RPS6KC1: variants seen among roughly 807,000 people sequenced by gnomAD.
The protein encoded by RPS6KC1 is ribosomal protein S6 kinase C1.
A neutral mutation model predicts 103.8 loss-of-function variants in RPS6KC1; 54 were observed. The ratio of observed to expected loss-of-function variants is 0.52; its 90% CI spans 0.42 to 0.65. The LOEUF (loss-of-function observed/expected upper bound fraction) is 0.65. Among genes scored for constraint, RPS6KC1 ranks in the 30% least tolerant of loss-of-function variants. The pLI is 0.00. For synonymous variants in RPS6KC1, 439 were observed against 438.7 expected (o/e 1.00, Z -0.01); for missense variants, 1,151 against 1,253.8 (o/e 0.92, Z 1.24).
chr1:213,428,352 CTTCCCTTCCT>C, the RPS6KC1 span, among the ~76,000 whole-genome samples: 1 of 151,696 alleles, frequency 6.6e-6, no homozygotes, highest in Non-Finnish European at 1.5e-5. Context: ...TATGAGAGAC[CTTCCCTTCCT>C]TTCCCTTCCT....
intron 6 of RPS6KC1, 31 bp from the exon 7 acceptor site, chr1:213,167,827 A>G (rs755024267): frequency 6.1e-6 from 9 of 1,468,786 alleles, no homozygotes; most frequent in African/African-American, 1.4e-5. Flanking sequence ...AGGAAAATTT[A>G]TTTTTTACAT....
At chr1:213,662,053 A>G in the RPS6KC1 span, among the ~76,000 whole-genome samples, 1 of 152,190 alleles carries the variant, frequency 6.6e-6, no homozygotes, top group African/African-American at 2.4e-5. Flanking sequence ...GGTATAAATA[A>G]GGTATGTTGG....
the RPS6KC1 span, among the ~76,000 whole-genome samples, chr1:213,770,003 T>C: frequency 3.3e-5 from 5 of 152,136 alleles, no homozygotes; most frequent in African/African-American, 9.7e-5. Context: ...GGTCCAACAC[T>C]GGGGAGCCAG....
the RPS6KC1 span, among the ~76,000 whole-genome samples, chr1:213,720,115 T>G: frequency 6.6e-6 from 1 of 152,250 alleles, no homozygotes; most frequent in South Asian, 2.1e-4. Flanking sequence ...TCAGGGTGGA[T>G]CAAAGTCGTG....
chr1:213,330,310 G>A, the RPS6KC1 span, among the ~76,000 whole-genome samples: 3 of 152,218 alleles, frequency 2.0e-5, no homozygotes, highest in Non-Finnish European at 4.4e-5. Flanking sequence ...TCTCAGGTTA[G>A]TATTTCTTTA....
chr1:213,133,746 C>A (rs2085930498), intron 6 of RPS6KC1, among the ~76,000 whole-genome samples: 1 of 152,074 alleles, frequency 6.6e-6, no homozygotes. Context: ...AAAACTAAGA[C>A]TTACATAAAT....
the RPS6KC1 span, among the ~76,000 whole-genome samples, chr1:213,638,569 T>TG: frequency 6.6e-6 from 1 of 152,062 alleles, no homozygotes; most frequent in African/African-American, 2.4e-5. Context: ...GGGTTTTTTT[T>TG]GCATATAAGT....
chr1:213,286,739 G>A, the RPS6KC1 span, among the ~76,000 whole-genome samples: 2 of 152,214 alleles, frequency 1.3e-5, no homozygotes, highest in Non-Finnish European at 2.9e-5. Context: ...GATGGATACA[G>A]GCATTAAGCA....
chr1:213,714,903 G>A, the RPS6KC1 span, among the ~76,000 whole-genome samples: 1 of 152,186 alleles, frequency 6.6e-6, no homozygotes, highest in African/African-American at 2.4e-5. Flanking sequence ...GCTCTGTATG[G>A]TGGGAGGGAC....
At chr1:213,090,047 C>A (rs1249141601) in intron 3 of RPS6KC1, among the ~76,000 whole-genome samples, 1 of 152,112 alleles carries the variant, frequency 6.6e-6, no homozygotes, top group Non-Finnish European at 1.5e-5. Context: ...ATGCAAACAG[C>A]CCCTCTAAGA....
At chr1:213,838,414 G>A in the RPS6KC1 span, among the ~76,000 whole-genome samples, 1 of 152,096 alleles carries the variant, frequency 6.6e-6, no homozygotes, top group Admixed American at 6.6e-5. Context: ...TGGCTGGCAT[G>A]GCCCTTCCAT....
At chr1:213,677,384 A>G in the RPS6KC1 span, among the ~76,000 whole-genome samples, 15 of 152,338 alleles carry the variant, frequency 9.8e-5, no homozygotes, top group South Asian at 3.1e-3. Flanking sequence ...ATAAATGGTC[A>G]GATAGACTAG....
intron 6 of RPS6KC1, among the ~76,000 whole-genome samples, chr1:213,161,355 C>G (rs183631836): frequency 5.0e-4 from 76 of 151,810 alleles, no homozygotes; most frequent in African/African-American, 1.7e-3. Flanking sequence ...AAGTCTCGCT[C>G]TGTCACCCAG....
intron 1 of RPS6KC1, among the ~76,000 whole-genome samples, chr1:213,069,228 C>T (rs1489438142): frequency 6.6e-6 from 1 of 152,054 alleles, no homozygotes; most frequent in East Asian, 1.9e-4. Flanking sequence ...AGTTCTATTG[C>T]ATAGCACTGT....
At chr1:213,160,820 T>G (rs7535369) in intron 6 of RPS6KC1, among the ~76,000 whole-genome samples, 7 of 142,270 alleles carry the variant, frequency 4.9e-5, no homozygotes, top group African/African-American at 1.5e-4. Context: ...GGACACAGGG[T>G]GGGGAACATC....
chr1:213,802,083 G>C, the RPS6KC1 span, among the ~76,000 whole-genome samples: 1 of 152,164 alleles, frequency 6.6e-6, no homozygotes, highest in Non-Finnish European at 1.5e-5. Flanking sequence ...TAAAGTTATG[G>C]TCGCTGCCCA....
At chr1:213,800,034 G>A in the RPS6KC1 span, among the ~76,000 whole-genome samples, 1 of 152,252 alleles carries the variant, frequency 6.6e-6, no homozygotes, top group East Asian at 1.9e-4. Context: ...CTTCTTCTAA[G>A]AACATTAATC....
the RPS6KC1 span, among the ~76,000 whole-genome samples, chr1:213,414,920 G>A: frequency 2.6e-5 from 4 of 152,110 alleles, no homozygotes; most frequent in Non-Finnish European, 5.9e-5. Context: ...CCCACACAGT[G>A]GTGCTCTACC....
the RPS6KC1 span, among the ~76,000 whole-genome samples, chr1:213,747,948 A>G: frequency 6.6e-6 from 1 of 152,210 alleles, no homozygotes; most frequent in Admixed American, 6.5e-5. Flanking sequence ...GTGAGCTTTC[A>G]TGGTTCCATA....
Sources: allele counts gnomAD v4.1 joint callset (sites outside exome capture counted in the v4.1 genomes callset), GRCh38; gene constraint gnomAD v4.1.1; transcripts MANE v1.5; gene names NCBI Gene and HGNC (gene_info 2026-07-23, HGNC 2026-07-21).